Variants in DDX52 observed in about 807,000 individuals in gnomAD.
DDX52 encodes the protein DExD-box helicase 52, also known as probable ATP-dependent RNA helicase DDX52.
DDX52 carries 59 observed loss-of-function variants against 76.1 expected under a neutral mutation model. The observed-to-expected ratio is 0.78, with a 90% CI of 0.63 to 0.96. DDX52 has a LOEUF of 0.96. DDX52 is among the 40% of genes least tolerant of loss of function. The pLI, the probability that DDX52 is intolerant of heterozygous loss-of-function variation, is 0.00. For synonymous variants in DDX52, 231 were observed against 244.1 expected (o/e 0.95, Z 0.50); for missense variants, 707 against 703.9 (o/e 1.00, Z -0.05).
chr17:37,610,021 C>CG lies in DDX52; in HGVS notation c.*4274_*4275insC, dbSNP rs1405927014. 1.3e-5 allele frequency: 2 copies of CG among 152,240 alleles called. No individual in the cohort carries two copies. The highest frequency in any genetic ancestry group is 4.8e-5 in the African/African-American group (2 of 41,458). The allele number at this position is 152,240 out of a possible 1,614,324, so 9.4% of individuals were successfully genotyped here. On this transcript the variant is annotated 3_prime_UTR_variant, in exon 15 of 15. Transcript: ENST00000617633. Reference sequence around the variant, plus strand: ...TTGTTTGGTTCTGCCATCCTGCCACCTTACAGTCCTTTTGTTTTTCCTATT... The same window carrying CG: ...TTGTTTGGTTCTGCCATCCTGCCACCGTTACAGTCCTTTTGTTTTTCCTATT...
intron 6 of DDX52, 132 bp from the exon 7 acceptor site, chr17:37,626,992 T>C (rs1309034433): frequency 6.0e-6 from 4 of 663,222 alleles, no homozygotes; most frequent in Admixed American, 3.1e-5. Context: ...AAAACTATTA[T>C]ATCCCTACTT....
chr17:37,632,447 T>TTAGGTACATTTCATGC, intron 3 of DDX52, 149 bp from the exon 4 acceptor site: 1 of 765,960 alleles, frequency 1.3e-6, no homozygotes, highest in South Asian at 1.8e-5. Flanking sequence ...ATCACAGATA[T>TTAGGTACATTTCATGC]TAGGTACATT....
intron 10 of DDX52, 24 bp from the exon 11 acceptor site, chr17:37,621,301 A>C: frequency 6.3e-7 from 1 of 1,596,042 alleles, no homozygotes; most frequent in African/African-American, 1.4e-5. Context: ...TATATATTAA[A>C]TTGTTTTAGA....
At chr17:37,630,629 AACTC>A (rs942178055) in intron 4 of DDX52, among the ~76,000 whole-genome samples, 7 of 151,484 alleles carry the variant, frequency 4.6e-5, no homozygotes, top group Admixed American at 1.3e-4. Flanking sequence ...AATTTTCAAA[AACTC>A]ACTGTGTTTT....
At chr17:37,617,698 T>G (rs1215190038) in intron 14 of DDX52, among the ~76,000 whole-genome samples, 2 of 152,208 alleles carry the variant, frequency 1.3e-5, no homozygotes, top group East Asian at 3.8e-4. Context: ...TTGGCCTTAG[T>G]AGCATGTCCT....
intron 13 of DDX52, 132 bp from the exon 14 acceptor site, chr17:37,618,516 T>C: frequency 1.4e-6 from 1 of 715,540 alleles, no homozygotes; most frequent in South Asian, 2.1e-5. Flanking sequence ...AGTTTTGCTC[T>C]TGTTGCCCAG....
chr17:37,623,544 G>A (rs148352499), intron 9 of DDX52, among the ~76,000 whole-genome samples: 22 of 152,278 alleles, frequency 1.4e-4, no homozygotes, highest in African/African-American at 4.8e-4. Context: ...ACAGGTAACT[G>A]CTTCATTAGT....
intron 6 of DDX52, among the ~76,000 whole-genome samples, chr17:37,627,775 T>C (rs1247755040): frequency 6.6e-6 from 1 of 151,872 alleles, no homozygotes; most frequent in Admixed American, 6.6e-5. Context: ...GCCGTTCTTT[T>C]TGTTTTTTTT....
At chr17:37,628,290 C>T (rs2030490912) in intron 6 of DDX52, among the ~76,000 whole-genome samples, 1 of 152,152 alleles carries the variant, frequency 6.6e-6, no homozygotes, top group Admixed American at 6.5e-5. Flanking sequence ...CACTTCTCCC[C>T]AGTTGTGACA....
chr17:37,623,169 C>T (rs950154376), intron 9 of DDX52, among the ~76,000 whole-genome samples: 1 of 152,188 alleles, frequency 6.6e-6, no homozygotes, highest in Non-Finnish European at 1.5e-5. Context: ...CTCTGCCTAC[C>T]CCAGTTTAAA....
Position 37,614,347 on chromosome 17 carries a change from CT to C in DDX52, c.1748del (p.Lys583ArgfsTer11). On this transcript the variant is annotated frameshift_variant, in exon 15 of 15. Coordinates refer to ENST00000617633, the MANE Select transcript of DDX52 (RefSeq NM_007010.5). LOFTEE classifies it high-confidence loss of function. ...FLEKAKDKQK[K>X]VTGQNSKKKV... ...TCTTCTTGCTGTTCTGACCAGTGAC[CT>C]TTTTCCTGTAAAGAGCAAAGTAAGA... 2 of 1,609,740 alleles carry C rather than the reference CT, an allele frequency of 1.2e-6. No individual in the cohort carries two copies. Among genetic ancestry groups the C allele is most frequent in the Non-Finnish European group, 1.7e-6 (2 of 1,178,756 alleles).
chr17:37,627,790 T>TG (rs2030465427), intron 6 of DDX52, among the ~76,000 whole-genome samples: 1 of 151,800 alleles, frequency 6.6e-6, no homozygotes, highest in Non-Finnish European at 1.5e-5. Context: ...TTTTTTAAGA[T>TG]GGAGTCTCAC....
intron 8 of DDX52, 30 bp from the exon 9 acceptor site, chr17:37,624,464 AAG>A: frequency 6.5e-7 from 1 of 1,528,190 alleles, no homozygotes; most frequent in African/African-American, 1.4e-5. Flanking sequence ...TGTAGTTTGT[AAG>A]AGTTAATTTT....
intron 14 of DDX52, among the ~76,000 whole-genome samples, chr17:37,617,386 G>A (rs1164600165): frequency 6.6e-6 from 1 of 152,196 alleles, no homozygotes; most frequent in Non-Finnish European, 1.5e-5. Flanking sequence ...AGAATGTGAA[G>A]AGTGCCATTT....
Position 37,625,937 on chromosome 17 carries a change from T to C in DDX52, c.1094A>G (p.Lys365Arg), listed in dbSNP as rs61749870. The C allele has an allele frequency of 4.3e-3, 7,000 of 1,614,084 alleles. 27 individuals are homozygous for C. Among genetic ancestry groups the C allele is most frequent in the Non-Finnish European group, 5.3e-3 (6,291 of 1,179,986 alleles). ...TFAYDVEQWC[K>R]LNLDNVISVS... The stretch of plus-strand genomic sequence containing the variant: ...ACTGATGACATTGTCCAGGTTGAGT[T>C]TGCACCACTGTTCAACATCATATGC... Residue 365 changes from lysine (K) to arginine (R), a missense_variant, in exon 8 of 15, where the codon AAA becomes AGA. Lys to Arg is a conservative substitution (Grantham distance 26). Transcript: ENST00000617633.
rs974716941 is a variant in DDX52 at position 37,643,411 on chromosome 17, G to T, written c.10C>A (p.His4Asn). The T allele has an allele frequency of 6.2e-7, 1 of 1,613,944 alleles. No homozygotes were observed. Among genetic ancestry groups the T allele is most frequent in the East Asian group, 2.2e-5 (1 of 44,866 alleles). ...GCGCCGAGCCGGCGAAAGAGATCGTGGACGTCCATCTTTACCCAGAAAGCG... is the reference window on the plus strand; with the variant it reads ...GCGCCGAGCCGGCGAAAGAGATCGTTGACGTCCATCTTTACCCAGAAAGCG... MDV[H>N]DLFRRLGAGA... is the part of the protein sequence containing the mutation. The change falls in exon 1 of 15, where the codon CAC (histidine) becomes AAC (asparagine). Residue 4 changes from histidine to asparagine, a missense_variant. By Grantham distance (68) the His-to-Asn change is moderately conservative. Coordinates refer to ENST00000617633, the MANE Select transcript of DDX52 (RefSeq NM_007010.5).
At chr17:37,633,655 C>CAA (rs374530358) in intron 2 of DDX52, among the ~76,000 whole-genome samples, 10 of 80,792 alleles carry the variant, frequency 1.2e-4, no homozygotes, top group East Asian at 3.5e-4. Flanking sequence ...AACCTTGTCT[C>CAA]AAAAAAAAAA....
intron 7 of DDX52, among the ~76,000 whole-genome samples, 172 bp downstream of exon 7, chr17:37,626,616 G>C (rs956997271): frequency 2.6e-5 from 4 of 152,130 alleles, no homozygotes; most frequent in African/African-American, 7.2e-5. Context: ...AAAGATACGA[G>C]GTTCCATTTC....
chr17:37,643,122 G>A (rs772245938), intron 1 of DDX52: 19 of 456,708 alleles, frequency 4.2e-5, no homozygotes, highest in South Asian at 2.7e-4. Flanking sequence ...GCCCAACTAG[G>A]TCTACAACAG....
Sources: gnomAD v4.1 joint callset for allele counts (sites outside exome capture counted in the v4.1 genomes callset) on GRCh38, gnomAD v4.1.1 for gene constraint, MANE v1.5 for transcripts, NCBI Gene and HGNC (gene_info 2026-07-23, HGNC 2026-07-21) for gene names.